TTL: variants seen among roughly 807,000 people sequenced by gnomAD.
TTL encodes the protein tubulin--tyrosine ligase.
Under a neutral mutation model 41.1 loss-of-function variants are expected in TTL, and 10 were observed. That is an observed-to-expected ratio of 0.24 (90% CI 0.15 to 0.41). The LOEUF is 0.41. TTL is among the 10% of genes least tolerant of loss of function. The pLI, the probability that TTL is intolerant of heterozygous loss-of-function variation, is 1.00. For missense variants in TTL, 367 were observed against 460.4 expected (o/e 0.80, Z 1.86); for synonymous variants, 175 against 175.5 (o/e 1.00, Z 0.02).
intron 3 of TTL, among the ~76,000 whole-genome samples, chr2:112,498,095 G>A (rs1681585377): frequency 1.3e-5 from 2 of 152,298 alleles, no homozygotes; most frequent in African/African-American, 2.4e-5. Context: ...AATCCAAGGC[G>A]GGCGGATCAC....
At chr2:112,485,214 T>G (rs2104444725) in intron 1 of TTL, among the ~76,000 whole-genome samples, 1 of 152,316 alleles carries the variant, frequency 6.6e-6, no homozygotes, top group East Asian at 1.9e-4. Flanking sequence ...CCTCCCAGAG[T>G]GCTGGGATAA....
intron 3 of TTL, 29 bp from the exon 4 acceptor site, chr2:112,501,177 T>A (rs1559013960): frequency 1.3e-6 from 2 of 1,590,216 alleles, no homozygotes. Context: ...TGAATTGGAT[T>A]GGTTTGTCTT....
chr2:112,501,003 GA>G (rs1681678782), intron 3 of TTL, among the ~76,000 whole-genome samples: 1 of 148,680 alleles, frequency 6.7e-6, no homozygotes, highest in East Asian at 2.0e-4. Context: ...CCTGTATGGA[GA>G]AAGAGTTGGT....
intron 6 of TTL, chr2:112,520,639 C>G (rs1682199785): frequency 5.3e-6 from 3 of 569,608 alleles, no homozygotes; most frequent in Non-Finnish European, 9.0e-6. Context: ...AGTGTGGTAG[C>G]TCATGCTTGT....
At chr2:112,518,192 T>C (rs927696882) in intron 5 of TTL, among the ~76,000 whole-genome samples, 2 of 150,920 alleles carry the variant, frequency 1.3e-5, no homozygotes, top group African/African-American at 2.4e-5. Context: ...TTGGTCTGGC[T>C]GGTCTCAAAC....
chr2:112,524,274 T>C (rs1682319724), intron 6 of TTL, among the ~76,000 whole-genome samples: 2 of 152,226 alleles, frequency 1.3e-5, no homozygotes, highest in African/African-American at 4.8e-5. Context: ...TGTGTCTTTA[T>C]AGCAGCATGA....
intron 4 of TTL, 103 bp from the exon 5 acceptor site, chr2:112,502,809 C>T (rs1681737562): frequency 7.4e-7 from 1 of 1,352,084 alleles, no homozygotes. Flanking sequence ...GCCTCCCACT[C>T]CTTACCTACC....
chr2:112,510,722 T>G (rs993669361), intron 5 of TTL, among the ~76,000 whole-genome samples: 7 of 152,206 alleles, frequency 4.6e-5, no homozygotes, highest in Non-Finnish European at 4.4e-5. Flanking sequence ...TAAAAGCATG[T>G]CTCAGTTTCC....
chr2:112,525,482 A>G (rs932150816), intron 6 of TTL, among the ~76,000 whole-genome samples: 3 of 152,160 alleles, frequency 2.0e-5, no homozygotes, highest in Non-Finnish European at 4.4e-5. Flanking sequence ...AGCGGTTTGT[A>G]GTTCTCCTTG....
chr2:112,489,597 C>T (rs1681328030), intron 2 of TTL, among the ~76,000 whole-genome samples: 1 of 152,204 alleles, frequency 6.6e-6, no homozygotes, highest in African/African-American at 2.4e-5. Flanking sequence ...CCAATGTCAA[C>T]AAAGTGTTCC....
At position 112,539,075 on chromosome 2, in the gene TTL, C is replaced by T. The variant is rs1195846365; in HGVS notation, c.*10280C>T. On this transcript the variant is annotated 3_prime_UTR_variant, in exon 7 of 7. Transcript: ENST00000233336. Reference sequence around the variant, plus strand: ...GAGGTTGCAGTGAGCCGAGATTGCGCCACTGCACTCCAGCCTGGGTGACAG... The same window carrying T: ...GAGGTTGCAGTGAGCCGAGATTGCGTCACTGCACTCCAGCCTGGGTGACAG... The T allele has an allele frequency of 6.7e-6, 1 of 148,396 alleles. No homozygotes were observed. Among genetic ancestry groups the T allele is most frequent in the East Asian group, 2.0e-4 (1 of 5,060 alleles). The allele number at this position is 148,396 out of a possible 1,614,324, so 9.2% of individuals were successfully genotyped here.
At chr2:112,523,936 C>G (rs923075140) in intron 6 of TTL, among the ~76,000 whole-genome samples, 4 of 152,014 alleles carry the variant, frequency 2.6e-5, no homozygotes, top group African/African-American at 9.7e-5. Context: ...TAATGTTATC[C>G]TTCCCCCATC....
intron 6 of TTL, among the ~76,000 whole-genome samples, chr2:112,525,663 T>C (rs886865089): frequency 5.9e-5 from 9 of 152,364 alleles, no homozygotes; most frequent in African/African-American, 1.7e-4. Context: ...CTGAAGTTGC[T>C]TATCAGCTTA....
chr2:112,532,765 C>CTCTTAAAAAGTAAAAAACTAT lies in TTL; in HGVS notation c.*3975_*3976insAAAAGTAAAAAACTATTCTTA, dbSNP rs145085628. The CTCTTAAAAAGTAAAAAACTAT allele has an allele frequency of 6.0e-6, 1 of 166,352 alleles. No homozygotes were observed. The highest frequency in any genetic ancestry group is 1.3e-5 in the Non-Finnish European group (1 of 76,510). 10.3% of individuals were successfully genotyped at this position (166,352 alleles called of 1,614,324 possible). ...GCATACTTTTTGTTTTTTTCTCCAA[C>CTCTTAAAAAGTAAAAAACTAT]TCTTAGCTCATAGGCCGTATAAAAG... is the stretch of plus-strand genomic sequence containing the variant. On this transcript the variant is annotated 3_prime_UTR_variant, in exon 7 of 7. Transcript: ENST00000233336.
At chr2:112,514,419 A>G (rs913255176) in intron 5 of TTL, among the ~76,000 whole-genome samples, 2 of 152,068 alleles carry the variant, frequency 1.3e-5, no homozygotes, top group African/African-American at 4.8e-5. Flanking sequence ...TTTTTAAGTA[A>G]AGTCTGCTGT....
In TTL at chr2:112,513,525, C is replaced by T. The variant is rs947185329; in HGVS notation, c.876-6757C>T. ...CTGTCATCTGAGAATGTGTTTATTT[C>T]ACCATCTTCCTGAAGGGTATTTTCA... On this transcript the variant is annotated intron_variant, in intron 5 of 6. Transcript: ENST00000233336. 3.3e-5 allele frequency among the ~76,000 whole-genome samples: 5 copies of T among 151,390 alleles called. No individual in the cohort carries two copies. The South Asian group carries it at 1.0e-3, about 31-fold the overall frequency.
At chr2:112,510,225 G>C (rs1681887891) in intron 5 of TTL, among the ~76,000 whole-genome samples, 1 of 152,072 alleles carries the variant, frequency 6.6e-6, no homozygotes, top group Non-Finnish European at 1.5e-5. Flanking sequence ...AAACTTTTAG[G>C]CTCAAGGGAT....
intron 3 of TTL, among the ~76,000 whole-genome samples, chr2:112,498,522 A>G (rs752511934): frequency 1.3e-5 from 2 of 152,240 alleles, no homozygotes; most frequent in African/African-American, 4.8e-5. Flanking sequence ...TAAAGATGTC[A>G]GTTCACCCTA....
chr2:112,501,056 G>C (rs1206824672), intron 3 of TTL, 150 bp from the exon 4 acceptor site: 2 of 616,268 alleles, frequency 3.2e-6, no homozygotes, highest in Non-Finnish European at 5.3e-6. Context: ...GGGAGCATGT[G>C]GGGGACTGGA....
Sources: allele counts gnomAD v4.1 joint callset (sites outside exome capture counted in the v4.1 genomes callset), GRCh38; gene constraint gnomAD v4.1.1; transcripts MANE v1.5; gene names NCBI Gene and HGNC (gene_info 2026-07-23, HGNC 2026-07-21).